The following ADGRL2 variants were observed in gnomAD, a reference collection of about 807,000 sequenced individuals.
ADGRL2 encodes adhesion G protein-coupled receptor L2.
ADGRL2 carries 44 observed loss-of-function variants against 157.4 expected under a neutral mutation model. The observed-to-expected ratio is 0.28, with a 90% confidence interval of 0.22 to 0.36. The LOEUF (loss-of-function observed/expected upper bound fraction) is 0.36, where lower values mean the gene tolerates loss of function less well. ADGRL2 is among the 10% of genes least tolerant of loss of function. ADGRL2 has a pLI of 1.00. For missense variants in ADGRL2, 1,510 were observed against 1,768.9 expected (o/e 0.85, Z 2.63); for synonymous variants, 585 against 624.7 (o/e 0.94, Z 0.95).
chr1:81,622,037 T>C (rs1209765990), intron 3 of ADGRL2, among the ~76,000 whole-genome samples: 5 of 152,168 alleles, frequency 3.3e-5, no homozygotes, highest in Non-Finnish European at 7.3e-5. Flanking sequence ...ATTCCAAACA[T>C]AGCAAATGCA....
rs201201668 is a variant in ADGRL2 at position 81,993,058 on chromosome 1, CATATATATAT to C, written c.*1934_*1943del. On this transcript the variant is annotated 3_prime_UTR_variant, in exon 24 of 24. Coordinates refer to ENST00000686636, the MANE Select transcript of ADGRL2 (RefSeq NM_001366006.2). ...AAATTAAGTGCATATATATAATATA[CATATATATAT>C]ATATATATATATATATATATTTTTT... Among the ~76,000 whole-genome samples, 73 of 40,856 alleles carry C rather than the reference CATATATATAT, an allele frequency of 1.8e-3. 1 individual carries two copies. Among genetic ancestry groups the C allele is most frequent in the African/African-American group, 9.0e-3 (61 of 6,812 alleles). 26.8% of individuals were successfully genotyped at this position (40,856 alleles called of 152,430 possible).
At chr1:81,515,382 G>A (rs551097610) in intron 2 of ADGRL2, among the ~76,000 whole-genome samples, 2 of 150,744 alleles carry the variant, frequency 1.3e-5, no homozygotes, top group Admixed American at 1.3e-4. Flanking sequence ...CATGATAATG[G>A]TGCCTTCCAA....
chr1:81,920,426 C>T (rs1381623160), intron 3 of ADGRL2, among the ~76,000 whole-genome samples: 2 of 152,104 alleles, frequency 1.3e-5, no homozygotes, highest in African/African-American at 4.8e-5. Flanking sequence ...CACTGTTTCT[C>T]CCAGCTGTCA....
intron 19 of ADGRL2, among the ~76,000 whole-genome samples, chr1:81,983,269 T>C (rs931417820): frequency 6.6e-6 from 1 of 151,928 alleles, no homozygotes; most frequent in African/African-American, 2.4e-5. Flanking sequence ...AACTTAGTCT[T>C]GGATACATCC....
chr1:81,698,493 A>G (rs2083490513), upstream of ADGRL2, among the ~76,000 whole-genome samples: 1 of 152,220 alleles, frequency 6.6e-6, no homozygotes. Context: ...ATCTTGTGCC[A>G]GATGTGATGG....
At chr1:81,942,948 G>A (rs1233120701) in intron 5 of ADGRL2, 21 bp from the exon 6 acceptor site, 9 of 1,575,378 alleles carry the variant, frequency 5.7e-6, no homozygotes, top group Non-Finnish European at 7.8e-6. Context: ...CTTAATTTTT[G>A]TCTTTCTCTG....
chr1:81,705,864 T>A (rs892898068), intron 1 of ADGRL2, among the ~76,000 whole-genome samples: 8 of 152,070 alleles, frequency 5.3e-5, no homozygotes, highest in African/African-American at 1.7e-4. Context: ...TGTGATCATG[T>A]GAGCTATATG....
chr1:81,847,553 A>T (rs2092839089), intron 2 of ADGRL2, among the ~76,000 whole-genome samples: 1 of 151,954 alleles, frequency 6.6e-6, no homozygotes, highest in African/African-American at 2.4e-5. Context: ...TTAAAAAAGG[A>T]ACTAAGCTAC....
intron 2 of ADGRL2, among the ~76,000 whole-genome samples, chr1:81,486,089 A>G (rs558880713): frequency 6.6e-6 from 1 of 152,280 alleles, no homozygotes; most frequent in East Asian, 1.9e-4. Flanking sequence ...AAAGGAAGGG[A>G]TTGTAATTTG....
intron 2 of ADGRL2, among the ~76,000 whole-genome samples, chr1:81,566,208 G>A (rs781092053): frequency 6.6e-6 from 1 of 152,036 alleles, no homozygotes; most frequent in Admixed American, 6.6e-5. Context: ...AACATGTATT[G>A]GTTCCTGCAA....
intron 2 of ADGRL2, among the ~76,000 whole-genome samples, chr1:81,763,588 C>CA (rs35775918): frequency 0.51 from 62,192 of 121,774 alleles, 14,488 homozygotes; most frequent in East Asian, 0.89. Flanking sequence ...GATTCAGTCT[C>CA]AAAAAAAAAA....
At chr1:81,552,432 G>A (rs2080169442) in intron 2 of ADGRL2, among the ~76,000 whole-genome samples, 1 of 151,988 alleles carries the variant, frequency 6.6e-6, no homozygotes, top group Non-Finnish European at 1.5e-5. Flanking sequence ...TGGAAATGCA[G>A]CACTGCTTTT....
At chr1:81,986,538 A>C (rs1485134295) in intron 21 of ADGRL2, among the ~76,000 whole-genome samples, 1 of 152,088 alleles carries the variant, frequency 6.6e-6, no homozygotes, top group Non-Finnish European at 1.5e-5. Flanking sequence ...TCTGGGCCTC[A>C]GTGGTTACGT....
chr1:81,661,184 G>A (rs1463855529), intron 3 of ADGRL2, among the ~76,000 whole-genome samples: 1 of 132,268 alleles, frequency 7.6e-6, no homozygotes, highest in Admixed American at 8.0e-5. Flanking sequence ...ATTTCCATAA[G>A]CATTTTTTTT....
At chr1:81,828,795 G>A (rs1180168335) in intron 1 of ADGRL2, among the ~76,000 whole-genome samples, 1 of 151,876 alleles carries the variant, frequency 6.6e-6, no homozygotes, top group Non-Finnish European at 1.5e-5. Context: ...AGACCTTTTG[G>A]TTTTTAATTT....
At chr1:81,676,686 T>A (rs111891680) in intron 3 of ADGRL2, among the ~76,000 whole-genome samples, 4,897 of 151,980 alleles carry the variant, frequency 0.032, 265 homozygotes, top group African/African-American at 0.11. Context: ...GGATTTATTT[T>A]ATTTTATTTT....
chr1:81,565,637 C>G (rs1029635267), intron 2 of ADGRL2, among the ~76,000 whole-genome samples: 1 of 152,100 alleles, frequency 6.6e-6, no homozygotes, highest in African/African-American at 2.4e-5. Context: ...TCATGCTGCC[C>G]CTAGTTAAAA....
At chr1:81,449,566 A>G (rs549472676) in intron 2 of ADGRL2, among the ~76,000 whole-genome samples, 1 of 152,260 alleles carries the variant, frequency 6.6e-6, no homozygotes, top group Non-Finnish European at 1.5e-5. Flanking sequence ...GAGAACTACA[A>G]TTACAACAGT....
At chr1:81,437,510 G>A (rs1322230444) in intron 1 of ADGRL2, among the ~76,000 whole-genome samples, 2 of 152,186 alleles carry the variant, frequency 1.3e-5, no homozygotes, top group Non-Finnish European at 2.9e-5. Flanking sequence ...GCAGTTGCAA[G>A]ATCCACAAAA....
Sources: gnomAD v4.1 joint callset for allele counts (sites outside exome capture counted in the v4.1 genomes callset) on GRCh38, gnomAD v4.1.1 for gene constraint, MANE v1.5 for transcripts, NCBI Gene and HGNC (gene_info 2026-07-23, HGNC 2026-07-21) for gene names.